Variants in LONRF3 observed in about 807,000 individuals in gnomAD.
LONRF3 encodes LON peptidase N-terminal domain and ring finger 3.
LONRF3 carries 19 observed loss-of-function variants against 51.7 expected under a neutral mutation model. The ratio of observed to expected loss-of-function variants is 0.37; its 90% CI spans 0.26 to 0.54. The LOEUF is 0.54. LONRF3 is among the 20% of genes least tolerant of loss of function. The probability of loss-of-function intolerance (pLI) is 0.86; values close to 1 mark genes in which losing one functional copy is unlikely to be tolerated. For missense variants in LONRF3, 521 were observed against 623.9 expected, an observed-to-expected ratio of 0.84 and a Z score of 1.76; for synonymous variants, 265 against 257.8, an observed-to-expected ratio of 1.03 and a Z score of -0.27.
intron 1 of LONRF3, among the ~76,000 whole-genome samples, chrX:118,977,430 T>G (rs1922173359): frequency 8.9e-6 from 1 of 112,143 alleles, no homozygotes; most frequent in Admixed American, 9.4e-5. Flanking sequence ...GGTGAAAATG[T>G]CAAGGCCAGC....
At chrX:118,988,433 T>A (rs955528667) in intron 3 of LONRF3, among the ~76,000 whole-genome samples, 9 of 112,036 alleles carry the variant, frequency 8.0e-5, no homozygotes, top group African/African-American at 2.9e-4. Flanking sequence ...GGCCAATGCC[T>A]TGGGTTCATG....
intron 1 of LONRF3, chrX:118,976,520 G>A (rs1432572732): frequency 8.8e-6 from 1 of 113,074 alleles, no homozygotes; most frequent in Non-Finnish European, 1.9e-5. Flanking sequence ...AGGCCGGCGC[G>A]GCAACTGCTT....
intron 5 of LONRF3, among the ~76,000 whole-genome samples, chrX:119,000,224 A>G (rs1375659068): frequency 8.9e-6 from 1 of 112,134 alleles, no homozygotes; most frequent in African/African-American, 3.2e-5. Flanking sequence ...GAAATTAGAC[A>G]TTTGTACTAC....
intron 3 of LONRF3, among the ~76,000 whole-genome samples, chrX:118,987,294 A>T (rs1285967278): frequency 9.1e-6 from 1 of 109,647 alleles, no homozygotes; most frequent in Non-Finnish European, 1.9e-5. Context: ...AAAAAAAATT[A>T]TGAAACAGGG....
chrX:119,000,595 G>A (rs1448345251), intron 5 of LONRF3, among the ~76,000 whole-genome samples: 1 of 112,061 alleles, frequency 8.9e-6, no homozygotes, highest in African/African-American at 3.2e-5. Flanking sequence ...GGCTGCTATG[G>A]AGCAGAACTT....
chrX:119,011,112 TA>T (rs753631329), intron 7 of LONRF3, among the ~76,000 whole-genome samples: 1,255 of 86,327 alleles, frequency 0.015, 14 homozygotes, highest in African/African-American at 0.039. Flanking sequence ...AGACTCCGCT[TA>T]AAAAAAAAAA....
At position 118,993,557 on chromosome X, in the gene LONRF3, G is replaced by A. The variant is rs775613691; in HGVS notation, c.1415+2997G>A. Among the ~76,000 whole-genome samples the A allele has an allele frequency of 9.8e-5, 11 of 111,706 alleles. No homozygotes were observed. In the East Asian group the frequency reaches 2.0e-3, roughly 20 times the overall value. ...TAAACCACCAAACCTAATAATAATC[G>A]GTGTACCTGTGGAAGAAGAAAATTC... On this transcript the variant is annotated intron_variant, in intron 5 of 10. Transcript: ENST00000371628.
At chrX:119,007,266 A>C (rs954291206) in intron 6 of LONRF3, among the ~76,000 whole-genome samples, 1 of 111,822 alleles carries the variant, frequency 8.9e-6, no homozygotes. Context: ...ATGTTCCCTT[A>C]TCATCAGTGT....
At chrX:118,989,306 G>A (rs1923237378) in intron 3 of LONRF3, 102 bp from the exon 4 acceptor site, 1 of 960,624 alleles carries the variant, frequency 1.0e-6, no homozygotes, top group African/African-American at 2.0e-5. Flanking sequence ...TTCGGGGTGG[G>A]GATCAGGACT....
chrX:118,995,266 G>A (rs1368314601), intron 5 of LONRF3, among the ~76,000 whole-genome samples: 2 of 111,899 alleles, frequency 1.8e-5, no homozygotes, highest in African/African-American at 6.5e-5. Context: ...AGATCAAGAT[G>A]GAAATTAAAA....
chrX:118,978,022 G>C (rs1199847483), intron 1 of LONRF3, among the ~76,000 whole-genome samples: 1 of 110,999 alleles, frequency 9.0e-6, no homozygotes, highest in East Asian at 2.8e-4. Context: ...TCATAAACCA[G>C]GCTGCCGGAC....
chrX:119,006,032 T>G (rs1924679995), intron 5 of LONRF3, 89 bp from the exon 6 acceptor site: 2 of 519,986 alleles, frequency 3.8e-6, no homozygotes, highest in African/African-American at 4.7e-5. Flanking sequence ...TAAAATATTC[T>G]AAATAATGCT....
chrX:118,992,090 G>A (rs181595341), intron 5 of LONRF3, among the ~76,000 whole-genome samples: 4 of 112,086 alleles, frequency 3.6e-5, no homozygotes, highest in African/African-American at 1.3e-4. Context: ...CAAAAATTAA[G>A]ACGGTTGGCA....
intron 10 of LONRF3, among the ~76,000 whole-genome samples, chrX:119,015,919 A>T (rs1228636459): frequency 8.9e-6 from 1 of 112,522 alleles, no homozygotes; most frequent in East Asian, 2.8e-4. Flanking sequence ...ACAAGTGTTA[A>T]TACCAGCTTA....
At chrX:118,988,263 A>T (rs1224427821) in intron 3 of LONRF3, among the ~76,000 whole-genome samples, 2 of 112,022 alleles carry the variant, frequency 1.8e-5, no homozygotes, top group African/African-American at 6.5e-5. Flanking sequence ...AATGATTGAG[A>T]ATGCTAATAC....
Position 119,017,517 on chromosome X carries a change from T to A in LONRF3, c.2125-18T>A. On this transcript the variant is annotated intron_variant, in intron 10 of 10. Transcript: ENST00000371628. ...TTGGATGGGAATAGGATGACTCCAT[T>A]GTGTTTCTCTGTTGCAGATGAACCC... The A allele has an allele frequency of 2.5e-6, 3 of 1,203,596 alleles. No individual in the cohort carries two copies. Among genetic ancestry groups the A allele is most frequent in the Non-Finnish European group, 3.4e-6 (3 of 891,259 alleles).
chrX:118,993,770 G>A (rs1923602289), intron 5 of LONRF3, among the ~76,000 whole-genome samples: 1 of 111,682 alleles, frequency 9.0e-6, no homozygotes, highest in Non-Finnish European at 1.9e-5. Flanking sequence ...CTTAAGAACT[G>A]AGACAGAGCA....
intron 5 of LONRF3, among the ~76,000 whole-genome samples, chrX:118,993,164 A>G (rs1923561396): frequency 9.0e-6 from 1 of 111,250 alleles, no homozygotes; most frequent in South Asian, 3.8e-4. Flanking sequence ...ATGGATCCAA[A>G]CCAAGAAGAA....
At chrX:119,008,062 T>C (rs1924853190) in intron 6 of LONRF3, among the ~76,000 whole-genome samples, 1 of 111,592 alleles carries the variant, frequency 9.0e-6, no homozygotes, top group Admixed American at 9.5e-5. Context: ...ATGCAGTTGA[T>C]TTTCCCATAG....
Sources: gnomAD v4.1 joint callset for allele counts (sites outside exome capture counted in the v4.1 genomes callset) on GRCh38, gnomAD v4.1.1 for gene constraint, MANE v1.5 for transcripts, NCBI Gene and HGNC (gene_info 2026-07-23, HGNC 2026-07-21) for gene names.